The following OPHN1 variants were observed in gnomAD, a reference collection of about 807,000 sequenced individuals.
OPHN1 encodes oligophrenin-1.
Under a neutral mutation model 60.7 loss-of-function variants are expected in OPHN1, and 11 were observed. The observed-to-expected ratio is 0.18, with a 90% CI of 0.11 to 0.30. The LOEUF (loss-of-function observed/expected upper bound fraction) is 0.30, where lower values mean the gene tolerates loss of function less well. OPHN1 is among the 10% of genes least tolerant of loss of function. The probability of loss-of-function intolerance (pLI) is 1.00; values close to 1 mark genes in which losing one functional copy is unlikely to be tolerated. For missense variants in OPHN1, 449 were observed against 611.0 expected (o/e 0.73, Z 2.80); for synonymous variants, 226 against 222.6 (o/e 1.02, Z -0.14).
chrX:68,200,832 TCTATTA>T (rs1207723219), intron 11 of OPHN1, among the ~76,000 whole-genome samples: 5 of 111,944 alleles, frequency 4.5e-5, no homozygotes, highest in Non-Finnish European at 9.4e-5. Context: ...AAAATTCTAT[TCTATTA>T]CTAAGTATCT....
intron 8 of OPHN1, among the ~76,000 whole-genome samples, chrX:68,211,412 C>T (rs1228617059): frequency 1.8e-5 from 2 of 112,488 alleles, no homozygotes; most frequent in Non-Finnish European, 3.8e-5. Context: ...TATAATTTAT[C>T]TCTGTTTATT....
chrX:68,050,320 T>C (rs766478971), intron 23 of OPHN1, among the ~76,000 whole-genome samples: 1 of 111,937 alleles, frequency 8.9e-6, no homozygotes, highest in Non-Finnish European at 1.9e-5. Flanking sequence ...AAATGGAATC[T>C]AGGAATAAAG....
intron 2 of OPHN1, among the ~76,000 whole-genome samples, chrX:68,417,093 A>T (rs2078802967): frequency 9.3e-6 from 1 of 108,049 alleles, no homozygotes; most frequent in African/African-American, 3.4e-5. Flanking sequence ...TTATTTATTT[A>T]TTTATTTATT....
At position 68,296,735 on chromosome X, in the gene OPHN1, G is replaced by A. The variant is rs1423397559; in HGVS notation, c.250+2266C>T. Among the ~76,000 whole-genome samples, 4 of 109,704 alleles carry A rather than the reference G, an allele frequency of 3.6e-5. No homozygotes were observed. In the East Asian group the frequency reaches 1.1e-3, roughly 31 times the overall value. The stretch of plus-strand genomic sequence containing the variant: ...CAGAGCTTTGGGAGACCAAGGTGGT[G>A]GGAGGATAGCTTGAGCCCAGGAGTT... On this transcript the variant is annotated intron_variant, in intron 3 of 24. Transcript: ENST00000355520.
At chrX:68,100,260 C>T (rs2077052587) in intron 18 of OPHN1, among the ~76,000 whole-genome samples, 1 of 110,567 alleles carries the variant, frequency 9.0e-6, no homozygotes, top group African/African-American at 3.3e-5. Flanking sequence ...TACATACATA[C>T]ATACACGCAC....
chrX:68,390,157 C>T (rs1217289185), intron 2 of OPHN1, among the ~76,000 whole-genome samples: 1 of 111,419 alleles, frequency 9.0e-6, no homozygotes, highest in East Asian at 2.8e-4. Flanking sequence ...CCCACTGGGT[C>T]CCTCCAGTGA....
intron 4 of OPHN1, among the ~76,000 whole-genome samples, chrX:68,279,740 A>T (rs985866345): frequency 9.0e-5 from 10 of 111,694 alleles, no homozygotes; most frequent in Non-Finnish European, 1.7e-4. Context: ...CCATCTCAGC[A>T]TTCCTGGAAT....
At chrX:68,196,829 CAT>C (rs1385862405) in intron 12 of OPHN1, among the ~76,000 whole-genome samples, 1 of 112,054 alleles carries the variant, frequency 8.9e-6, no homozygotes, top group Non-Finnish European at 1.9e-5. Context: ...CATATTAACA[CAT>C]ATTAATTAAT....
chrX:68,065,554 A>T (rs1249946652), intron 20 of OPHN1, among the ~76,000 whole-genome samples: 1 of 111,844 alleles, frequency 8.9e-6, no homozygotes, highest in Non-Finnish European at 1.9e-5. Context: ...TAAAATGTTA[A>T]AAGAAATGCA....
intron 20 of OPHN1, among the ~76,000 whole-genome samples, chrX:68,072,722 T>C (rs1170543312): frequency 1.8e-5 from 2 of 112,018 alleles, no homozygotes; most frequent in African/African-American, 3.2e-5. Context: ...TCTTCACTTA[T>C]CTATGTCTCC....
Position 68,193,977 on chromosome X carries a change from T to G in OPHN1, c.1139-25A>C, listed in dbSNP as rs776200977. On this transcript the variant is annotated intron_variant, in intron 13 of 24. Coordinates refer to ENST00000355520, the MANE Select transcript of OPHN1 (RefSeq NM_002547.3). ...ACTGTTTCAAGCAAAGGAAAAGAGT[T>G]AGATCCTGCTGCAACAGGTGTCACC... 6.9e-6 allele frequency: 8 copies of G among 1,159,223 alleles called. No homozygotes were observed. In the South Asian group the frequency reaches 1.1e-4, roughly 16 times the overall value.
intron 20 of OPHN1, among the ~76,000 whole-genome samples, chrX:68,065,421 A>C (rs904670577): frequency 1.8e-5 from 2 of 112,108 alleles, no homozygotes; most frequent in Admixed American, 9.5e-5. Context: ...CATGATGAGT[A>C]GGTTGGGGGA....
rs1344984779 is a variant in OPHN1, at chrX:68,111,931, T to C, written c.1449A>G (p.Gly483=). ...AKSDNLDYRL[G]AIHSLVYKLP... ...GCTTATATACCAGGGAGTGAATAGCTCCTAGGCGGTAATCCAGGTTGTCAG... is the reference window on the plus strand; with the variant it reads ...GCTTATATACCAGGGAGTGAATAGCCCCTAGGCGGTAATCCAGGTTGTCAG... Residue 483 remains glycine (G), a synonymous_variant, in exon 18 of 25, where the codon GGA becomes GGG. Transcript: ENST00000355520. 1 of 1,203,420 alleles carries C rather than the reference T, an allele frequency of 8.3e-7. No homozygotes were observed. The highest frequency in any genetic ancestry group is 2.2e-5 in the Admixed American group (1 of 45,865).
chrX:68,166,883 A>G (rs1331262105), intron 15 of OPHN1, among the ~76,000 whole-genome samples: 1 of 112,403 alleles, frequency 8.9e-6, no homozygotes, highest in African/African-American at 3.2e-5. Flanking sequence ...AATCAAATTA[A>G]AATGTATTAC....
chrX:68,337,796 C>CA (rs757328395), intron 2 of OPHN1, among the ~76,000 whole-genome samples: 148 of 62,759 alleles, frequency 2.4e-3, no homozygotes, highest in African/African-American at 4.7e-3. Flanking sequence ...CACTCCAAAC[C>CA]AAAAAAAAAA....
At chrX:68,372,339 G>T (rs778728315) in intron 2 of OPHN1, among the ~76,000 whole-genome samples, 1 of 111,040 alleles carries the variant, frequency 9.0e-6, no homozygotes, top group Non-Finnish European at 1.9e-5. Context: ...GGCACAGTGG[G>T]TTATATTGCA....
intron 2 of OPHN1, 48 bp from the exon 3 acceptor site, chrX:68,299,144 G>A (rs755543431): frequency 1.9e-5 from 16 of 842,256 alleles, no homozygotes; most frequent in Non-Finnish European, 2.8e-5. Flanking sequence ...GCTATGCTTT[G>A]ATCTATTTCC....
At chrX:68,215,452 G>T (rs1397472225) in intron 6 of OPHN1, among the ~76,000 whole-genome samples, 1 of 111,149 alleles carries the variant, frequency 9.0e-6, no homozygotes, top group Admixed American at 9.6e-5. Context: ...TAAAAGACAG[G>T]TATCAAACCC....
At chrX:68,317,564 A>G (rs2078213317) in intron 2 of OPHN1, among the ~76,000 whole-genome samples, 1 of 94,846 alleles carries the variant, frequency 1.1e-5, no homozygotes, top group Admixed American at 1.1e-4. Context: ...AGAAAGAAAG[A>G]AAGAAAGAAA....
Sources: gnomAD v4.1 joint callset for allele counts (sites outside exome capture counted in the v4.1 genomes callset) on GRCh38, gnomAD v4.1.1 for gene constraint, MANE v1.5 for transcripts, NCBI Gene and HGNC (gene_info 2026-07-23, HGNC 2026-07-21) for gene names.